ZNG1A: variants seen among roughly 807,000 people sequenced by gnomAD.
The protein encoded by ZNG1A is Zn regulated GTPase metalloprotein activator 1A, also known as zinc-regulated GTPase metalloprotein activator 1A.
the ZNG1A span, among the ~76,000 whole-genome samples, chr9:125,473 T>C: frequency 6.6e-6 from 1 of 151,130 alleles, no homozygotes; most frequent in African/African-American, 2.4e-5. Flanking sequence ...ATGTATATAT[T>C]ATGAAAGATT....
chr9:161,693 A>G, the ZNG1A span: 1 of 1,019,646 alleles, frequency 9.8e-7, no homozygotes, highest in South Asian at 1.3e-5. Context: ...GTATGTAACA[A>G]CATACTTTTA....
At chr9:155,875 C>T in the ZNG1A span, among the ~76,000 whole-genome samples, 2 of 148,264 alleles carry the variant, frequency 1.3e-5, no homozygotes, top group Admixed American at 6.7e-5. Flanking sequence ...GAGGCCGAGG[C>T]GGGTGGATCG....
the ZNG1A span, among the ~76,000 whole-genome samples, chr9:133,770 G>A: frequency 6.7e-6 from 1 of 149,042 alleles, no homozygotes; most frequent in Admixed American, 6.7e-5. Flanking sequence ...TTTCATTCTT[G>A]TAACAAATAC....
At chr9:168,501 C>G in the ZNG1A span, among the ~76,000 whole-genome samples, 5 of 150,610 alleles carry the variant, frequency 3.3e-5, no homozygotes, top group Admixed American at 1.3e-4. Flanking sequence ...AACTGCCCAC[C>G]TCGGCCTCCC....
the ZNG1A span, among the ~76,000 whole-genome samples, chr9:128,950 C>T: frequency 1.3e-5 from 2 of 151,858 alleles, no homozygotes; most frequent in Non-Finnish European, 1.5e-5. Context: ...TATCTCTCTT[C>T]TGGATCTAGC....
the ZNG1A span, chr9:154,907 T>A: frequency 1.9e-6 from 2 of 1,065,386 alleles, no homozygotes; most frequent in African/African-American, 1.6e-5. Context: ...AAACGCCTCA[T>A]GTAGATCAAT....
the ZNG1A span, chr9:154,881 A>T: frequency 2.1e-5 from 28 of 1,333,710 alleles, no homozygotes; most frequent in East Asian, 6.2e-4. Context: ...AATGTTAACA[A>T]ATCAAAAATA....
the ZNG1A span, among the ~76,000 whole-genome samples, chr9:158,563 C>T: frequency 1.3e-5 from 2 of 150,856 alleles, no homozygotes; most frequent in Non-Finnish European, 2.9e-5. Context: ...CTAAAGGTAA[C>T]TAATACAATG....
the ZNG1A span, among the ~76,000 whole-genome samples, chr9:135,209 T>C: frequency 6.6e-6 from 1 of 150,982 alleles, no homozygotes; most frequent in Admixed American, 6.6e-5. Context: ...AGATTAAGTT[T>C]TTTAAAAATT....
chr9:158,036 A>G, the ZNG1A span, among the ~76,000 whole-genome samples: 1 of 148,186 alleles, frequency 6.7e-6, no homozygotes, highest in Non-Finnish European at 1.5e-5. Flanking sequence ...CAATTATGGA[A>G]GTCACAGAAC....
chr9:150,116 G>GGTT, the ZNG1A span: 28 of 101,422 alleles, frequency 2.8e-4, no homozygotes, highest in South Asian at 7.6e-4. Flanking sequence ...CAAATCTCCG[G>GGTT]TTTTGTTTTT....
chr9:159,017 G>A, the ZNG1A span, among the ~76,000 whole-genome samples: 1 of 151,776 alleles, frequency 6.6e-6, no homozygotes, highest in African/African-American at 2.4e-5. Flanking sequence ...TAAGTCAGAT[G>A]ACTTTCATTT....
chr9:154,907 T>C, the ZNG1A span: 19 of 1,065,386 alleles, frequency 1.8e-5, no homozygotes, highest in African/African-American at 2.2e-4. Context: ...AAACGCCTCA[T>C]GTAGATCAAT....
the ZNG1A span, chr9:154,546 A>G: frequency 1.6e-6 from 1 of 610,804 alleles, no homozygotes; most frequent in Non-Finnish European, 2.9e-6. Flanking sequence ...ATGTATTACC[A>G]TTTATATAAC....
the ZNG1A span, chr9:172,234 A>C: frequency 2.5e-6 from 4 of 1,594,550 alleles, no homozygotes; most frequent in South Asian, 4.4e-5. Context: ...TGATTATTAT[A>C]AACACTTTAA....
chr9:171,981 T>C, the ZNG1A span: 3 of 1,585,514 alleles, frequency 1.9e-6, no homozygotes, highest in Admixed American at 5.2e-5. Context: ...GGTTTAATAC[T>C]AACAAAAGCT....
At chr9:149,473 T>C in the ZNG1A span, 1 of 151,976 alleles carries the variant, frequency 6.6e-6, no homozygotes, top group Non-Finnish European at 1.5e-5. Context: ...AAGACTCAGG[T>C]CAATGACTGT....
At chr9:122,772 A>C in the ZNG1A span, 1 of 814,380 alleles carries the variant, frequency 1.2e-6, no homozygotes, top group South Asian at 4.3e-5. Flanking sequence ...TCCTAGAAGA[A>C]ATACCTTTCA....
the ZNG1A span, among the ~76,000 whole-genome samples, chr9:136,841 G>T: frequency 6.6e-6 from 1 of 151,922 alleles, no homozygotes; most frequent in Non-Finnish European, 1.5e-5. Context: ...AGTTCAAGAC[G>T]AGCCTGAGCA....
Sources: allele counts gnomAD v4.1 joint callset (sites outside exome capture counted in the v4.1 genomes callset), GRCh38; gene constraint gnomAD v4.1.1; transcripts MANE v1.5; gene names NCBI Gene and HGNC (gene_info 2026-07-23, HGNC 2026-07-21).